Variants in KRTAP16-1 observed in about 807,000 individuals in gnomAD.
KRTAP16-1 encodes the protein keratin-associated protein 16-1.
For missense variants in KRTAP16-1, 675 were observed against 657.7 expected, an observed-to-expected ratio of 1.03 and a Z score of -0.29; for synonymous variants, 262 against 248.0, an observed-to-expected ratio of 1.06 and a Z score of -0.53.
Position 41,308,437 on chromosome 17 carries a change from C to T in KRTAP16-1, c.817G>A (p.Val273Ile). 1 of 1,550,642 alleles carries T rather than the reference C, an allele frequency of 6.4e-7. No individual in the cohort carries two copies. Among genetic ancestry groups the T allele is most frequent in the South Asian group, 1.2e-5 (1 of 84,056 alleles). ...ICQPATCVALVCEPVCLRPVC... is the reference protein window; with the variant it reads ...ICQPATCVALICEPVCLRPVC... ...GGGCGGAGGCAAACTGGCTCACAGA[C>T]CAGAGCCACACACGTAGCTGGCTGG... Residue 273 changes from valine (V) to isoleucine (I), a missense_variant, in exon 1 of 1, where the codon GTC (valine) becomes ATC (isoleucine). By Grantham distance (29) the Val-to-Ile change is conservative. Coordinates refer to ENST00000391352, the MANE Select transcript of KRTAP16-1 (RefSeq NM_001146182.2).
chr17:41,308,598 C>T lies in KRTAP16-1; in HGVS notation c.656G>A (p.Cys219Tyr). ...GGAAGGCTCACAGACCACAGGTTGG[C>T]AGGAACTAGGCAGGGTGCAGACAGC... ...CSAVCTLPSS[C>Y]QPVVCEPSCC... is the part of the protein sequence containing the mutation. The change falls in exon 1 of 1, where the codon TGC (cysteine) becomes TAC (tyrosine). Residue 219 changes from cysteine (C) to tyrosine (Y), a missense_variant. Transcript: ENST00000391352. The T allele has an allele frequency of 4.5e-6, 7 of 1,550,918 alleles. No individual in the cohort carries two copies. The highest frequency in any genetic ancestry group is 6.1e-6 in the Non-Finnish European group (7 of 1,147,094).
In KRTAP16-1 at chr17:41,308,995, T is replaced by A. The variant is rs1247932736; in HGVS notation, c.259A>T (p.Ser87Cys). Residue 87 changes from serine (S) to cysteine (C), a missense_variant, in exon 1 of 1, where the codon AGC becomes TGC. By Grantham distance (112) the Ser-to-Cys change is moderately radical. Transcript: ENST00000391352. ...VICEPSCSVS[S>C]GCQPVCCEAT... is the part of the protein sequence containing the mutation. Reference sequence around the variant, plus strand: ...TCACAGCACACGGGTTGGCAGCCGCTGCTCACGGAGCAAGAAGGCTCACAA... The same window carrying A: ...TCACAGCACACGGGTTGGCAGCCGCAGCTCACGGAGCAAGAAGGCTCACAA... The A allele has an allele frequency of 2.6e-6, 4 of 1,550,542 alleles. No homozygotes were observed. The Admixed American group carries it at 5.9e-5, about 23-fold the overall frequency.
chr17:41,307,974 C>A lies in KRTAP16-1; in HGVS notation c.1280G>T (p.Arg427Leu). Residue 427 changes from arginine (R) to leucine (L), a missense_variant, in exon 1 of 1, where the codon CGC (arginine) becomes CTC (leucine). By Grantham distance (102) the Arg-to-Leu change is moderately radical. Transcript: ENST00000391352. ...GCGGCGCAGGATGGAGTAGCATGGGCGATAGCAGGCAGGACGGTAGGAGAT... is the reference window on the plus strand; with the variant it reads ...GCGGCGCAGGATGGAGTAGCATGGGAGATAGCAGGCAGGACGGTAGGAGAT... ...TSISYRPACY[R>L]PCYSILRRPA... is the part of the protein sequence containing the mutation. 6.4e-7 allele frequency: 1 copy of A among 1,550,478 alleles called. No individual in the cohort carries two copies. The highest frequency in any genetic ancestry group is 8.7e-7 in the Non-Finnish European group (1 of 1,146,990).
rs1183758982 is a variant in KRTAP16-1 at position 41,308,633 on chromosome 17, G to C, written c.621C>G (p.Ser207Arg). Residue 207 changes from serine to arginine, a missense_variant, in exon 1 of 1, where the codon AGC (serine) becomes AGG (arginine). Transcript: ENST00000391352. ...SCCQPVVCEPSCCSAVCTLPS... is the reference protein window; with the variant it reads ...SCCQPVVCEPRCCSAVCTLPS... ...GCAGGGTGCAGACAGCTGAACAGCAGCTGGGCTCACAGACAACTGGCTGGC... is the reference window on the plus strand; with the variant it reads ...GCAGGGTGCAGACAGCTGAACAGCACCTGGGCTCACAGACAACTGGCTGGC... 1 of 1,550,968 alleles carries C rather than the reference G, an allele frequency of 6.4e-7. No individual in the cohort carries two copies. The highest frequency in any genetic ancestry group is 8.7e-7 in the Non-Finnish European group (1 of 1,147,100).
Position 41,309,198 on chromosome 17 carries a change from C to A in KRTAP16-1, c.56G>T (p.Cys19Phe), listed in dbSNP as rs1478784223. The A allele has an allele frequency of 6.5e-7, 1 of 1,547,510 alleles. No homozygotes were observed. Among genetic ancestry groups the A allele is most frequent in the Admixed American group, 2.0e-5 (1 of 50,628 alleles). Residue 19 changes from cysteine (C) to phenylalanine (F), a missense_variant, in exon 1 of 1, where the codon TGC (cysteine) becomes TTC (phenylalanine). Coordinates refer to ENST00000391352, the MANE Select transcript of KRTAP16-1 (RefSeq NM_001146182.2). ...KCFSVPATSL[C>F]STEVSCGGPI... ...GCCTCCACAGCTCACCTCAGTGGAG[C>A]AGAGAGAGGTGGCTGGCACGGAGAA... is the stretch of plus-strand genomic sequence containing the variant.
Position 41,308,892 on chromosome 17 carries a change from G to A in KRTAP16-1, c.362C>T (p.Pro121Leu). 6.5e-7 allele frequency: 1 copy of A among 1,548,686 alleles called. No individual in the cohort carries two copies. The highest frequency in any genetic ancestry group is 8.7e-7 in the Non-Finnish European group (1 of 1,145,302). Residue 121 changes from proline (P) to leucine (L), a missense_variant, in exon 1 of 1, where the codon CCT becomes CTT. Transcript: ENST00000391352. Reference protein sequence around the residue: ...PVCFEATICEPSCSVSNCCQP... With the variant: ...PVCFEATICELSCSVSNCCQP... The stretch of plus-strand genomic sequence containing the variant: ...GCAGCAGTTGCTCACTGAGCAAGAA[G>A]GCTCACAGATGGTGGCCTCGAAGCA...
rs778502423 is a variant in KRTAP16-1, at chr17:41,308,494, A to C, written c.760T>G (p.Cys254Gly). ...CQAVCCDPSP[C>G]EPSCSESSIC... The stretch of plus-strand genomic sequence containing the variant: ...CTAGACTCTGAGCAACTTGGCTCAC[A>C]AGGGCTGGGGTCACAGCAGACAGCC... Residue 254 changes from cysteine (C) to glycine (G), a missense_variant, in exon 1 of 1, where the codon TGT becomes GGT. Transcript: ENST00000391352. 1 of 1,550,428 alleles carries C rather than the reference A, an allele frequency of 6.4e-7. No homozygotes were observed. The highest frequency in any genetic ancestry group is 1.2e-5 in the South Asian group (1 of 84,046).
chr17:41,307,741 C>A lies in KRTAP16-1; in HGVS notation c.1513G>T (p.Ala505Ser), dbSNP rs745763704. The A allele has an allele frequency of 6.5e-7, 1 of 1,544,790 alleles. No individual in the cohort carries two copies. Among genetic ancestry groups the A allele is most frequent in the East Asian group, 2.4e-5 (1 of 40,866 alleles). Residue 505 changes from alanine to serine, a missense_variant, in exon 1 of 1, where the codon GCA becomes TCA. Coordinates refer to ENST00000391352, the MANE Select transcript of KRTAP16-1 (RefSeq NM_001146182.2). ...KPISPTTREA[A>S]AAQPAASKPA... ...TTGCTGGCAGCAGGCTGAGCTGCTG[C>A]GGCCTCACGGGTGGTTGGGCTGATG...
At chr17:41,309,300 GCCTCACTGTGACAGCTCCCTGAGGC>G (rs1310642865) in exon 1 of KRTAP16-1, 1 of 1,364,540 alleles carries the variant, frequency 7.3e-7, no homozygotes, top group Non-Finnish European at 9.9e-7. Flanking sequence ...AGAGGTTGCT[GCCTCACTGTGACAGCTCCCTGAGGC>G]CCTCACTTTT....
Position 41,307,737 on chromosome 17 carries a change from G to A in KRTAP16-1, c.1517C>T (p.Ala506Val). 1 of 1,544,768 alleles carries A rather than the reference G, an allele frequency of 6.5e-7. No homozygotes were observed. The highest frequency in any genetic ancestry group is 8.7e-7 in the Non-Finnish European group (1 of 1,143,616). Residue 506 changes from alanine (A) to valine (V), a missense_variant, in exon 1 of 1, where the codon GCA becomes GTA. By Grantham distance (64) the Ala-to-Val change is moderately conservative. Coordinates refer to ENST00000391352, the MANE Select transcript of KRTAP16-1 (RefSeq NM_001146182.2). ...PISPTTREAAAAQPAASKPAN... is the reference protein window; with the variant it reads ...PISPTTREAAVAQPAASKPAN... The stretch of plus-strand genomic sequence containing the variant: ...AGGCTTGCTGGCAGCAGGCTGAGCT[G>A]CTGCGGCCTCACGGGTGGTTGGGCT...
In KRTAP16-1 at chr17:41,309,277, G is replaced by A. The variant is rs1194320694; in HGVS notation, c.-24C>T. 1 of 1,473,438 alleles carries A rather than the reference G, an allele frequency of 6.8e-7. No homozygotes were observed. The highest frequency in any genetic ancestry group is 9.1e-7 in the Non-Finnish European group (1 of 1,096,862). 91.3% of individuals were successfully genotyped at this position (1,473,438 alleles called of 1,614,324 possible). A position where few individuals can be genotyped will look rare whatever the true frequency, so the allele number is the denominator to read the frequency against. ...ATGGTGGAGGTGGCCGTGCTTCCTT[G>A]TGCTGAGTGCTGAGAGGTTGCTGCC... On this transcript the variant is annotated 5_prime_UTR_variant, in exon 1 of 1. Coordinates refer to ENST00000391352, the MANE Select transcript of KRTAP16-1 (RefSeq NM_001146182.2).
Position 41,309,137 on chromosome 17 carries a change from T to C in KRTAP16-1, c.117A>G (p.Thr39=), listed in dbSNP as rs12451604. Residue 39 remains threonine (T), a synonymous_variant, in exon 1 of 1, where the codon ACA becomes ACG. Transcript: ENST00000391352. ...ICLPSSCQSQ[T]WQLVTCQDSC... is the part of the protein sequence containing the mutation. ...TGTCTTGACAAGTCACCAGCTGCCA[T>C]GTCTGGCTCTGGCAGGAACTGGGCA... The C allele has an allele frequency of 2.6e-6, 4 of 1,550,454 alleles. No homozygotes were observed. Among genetic ancestry groups the C allele is most frequent in the African/African-American group, 2.7e-5 (2 of 73,044 alleles).
In KRTAP16-1 at chr17:41,309,090, C is replaced by T. The variant is rs553991870; in HGVS notation, c.164G>A (p.Gly55Glu). Residue 55 changes from glycine to glutamate, a missense_variant, in exon 1 of 1, where the codon GGG (glycine) becomes GAG (glutamate). By Grantham distance (98) the Gly-to-Glu change is moderately conservative. Coordinates refer to ENST00000391352, the MANE Select transcript of KRTAP16-1 (RefSeq NM_001146182.2). ...CQDSCGSSSCGPQCRQPSCPV... is the reference protein window; with the variant it reads ...CQDSCGSSSCEPQCRQPSCPV... ...ACAGGAGGGCTGACGGCACTGTGGC[C>T]CACAGCTGGATGATCCACAGCTGTC... is the stretch of plus-strand genomic sequence containing the variant. 2.5e-5 allele frequency: 39 copies of T among 1,550,626 alleles called. No individual in the cohort carries two copies. The African/African-American group carries it at 4.8e-4, about 19-fold the overall frequency.
rs755135332 is a variant in KRTAP16-1, at chr17:41,307,744, C to T, written c.1510G>A (p.Ala504Thr). The T allele has an allele frequency of 6.5e-7, 1 of 1,546,416 alleles. No individual in the cohort carries two copies. Among genetic ancestry groups the T allele is most frequent in the Non-Finnish European group, 8.7e-7 (1 of 1,144,508 alleles). The change falls in exon 1 of 1, where the codon GCC becomes ACC. Residue 504 changes from alanine (A) to threonine (T), a missense_variant. Transcript: ENST00000391352. The stretch of plus-strand genomic sequence containing the variant: ...CTGGCAGCAGGCTGAGCTGCTGCGG[C>T]CTCACGGGTGGTTGGGCTGATGGGT... ...AKPISPTTREAAAAQPAASKP... is the reference protein window; with the variant it reads ...AKPISPTTRETAAAQPAASKP...
rs1264305177 is a variant in KRTAP16-1, at chr17:41,307,825, T to C, written c.1429A>G (p.Thr477Ala). 1 of 1,550,414 alleles carries C rather than the reference T, an allele frequency of 6.4e-7. No homozygotes were observed. The highest frequency in any genetic ancestry group is 2.4e-5 in the East Asian group (1 of 40,898). The change falls in exon 1 of 1, where the codon ACC (threonine) becomes GCC (alanine). Residue 477 changes from threonine to alanine, a missense_variant. Physicochemically the swap from Thr to Ala is moderately conservative, Grantham distance 58 (BLOSUM62 0). Transcript: ENST00000391352. ...TSSQLDCVDT[T>A]PCKVDVSEEA... The stretch of plus-strand genomic sequence containing the variant: ...TCTGAGACATCCACCTTGCAGGGGG[T>C]TGTGTCAACACAATCCAGTTGGCTG...
At position 41,308,962 on chromosome 17, in the gene KRTAP16-1, T is replaced by G. The variant is rs1360011121; in HGVS notation, c.292A>C (p.Thr98Pro). The change falls in exon 1 of 1, where the codon ACC (threonine) becomes CCC (proline). Residue 98 changes from threonine to proline, a missense_variant. Thr to Pro is a conservative substitution (Grantham distance 38). Coordinates refer to ENST00000391352, the MANE Select transcript of KRTAP16-1 (RefSeq NM_001146182.2). The stretch of plus-strand genomic sequence containing the variant: ...CTCACAGAGCAAGAAGGCTCACAGG[T>G]GGTGGCCTCACAGCACACGGGTTGG... ...GCQPVCCEAT[T>P]CEPSCSVSNC... 1.3e-6 allele frequency: 2 copies of G among 1,547,900 alleles called. No individual in the cohort carries two copies. The highest frequency in any genetic ancestry group is 1.7e-4 in the Middle Eastern group (1 of 5,982).
chr17:41,307,904 G>A lies in KRTAP16-1; in HGVS notation c.1350C>T (p.Arg450=), dbSNP rs1317211198. The change falls in exon 1 of 1, where the codon CGC becomes CGT. Residue 450 remains arginine, a synonymous_variant. Coordinates refer to ENST00000391352, the MANE Select transcript of KRTAP16-1 (RefSeq NM_001146182.2). The part of the protein sequence containing the change: ...TSYSCRPVYF[R]PSCTESDSCK... ...AAGAGTCAGACTCAGTGCAAGATGG[G>A]CGGAAGTAGACTGGGCGGCAAGAGT... 3 of 1,550,704 alleles carry A rather than the reference G, an allele frequency of 1.9e-6. No homozygotes were observed. The highest frequency in any genetic ancestry group is 2.7e-5 in the African/African-American group (2 of 73,174).
Position 41,308,144 on chromosome 17 carries a change from T to C in KRTAP16-1, c.1110A>G (p.Arg370=). The C allele has an allele frequency of 6.4e-7, 1 of 1,550,452 alleles. No homozygotes were observed. The highest frequency in any genetic ancestry group is 8.7e-7 in the Non-Finnish European group (1 of 1,146,958). ...TGTAGAAAGTCCTAGGACAAGTTGG[T>C]CGGCAGATGGCAGATGCAGAAGACC... The part of the protein sequence containing the change: ...SPGSSASAIC[R]PTCPRTFYIP... Residue 370 remains arginine, a synonymous_variant, in exon 1 of 1, where the codon CGA becomes CGG. Transcript: ENST00000391352.
Position 41,308,796 on chromosome 17 carries a change from C to G in KRTAP16-1, c.458G>C (p.Cys153Ser), listed in dbSNP as rs960823974. Residue 153 changes from cysteine to serine, a missense_variant, in exon 1 of 1, where the codon TGC becomes TCC. By Grantham distance (112) the Cys-to-Ser change is moderately radical. Coordinates refer to ENST00000391352, the MANE Select transcript of KRTAP16-1 (RefSeq NM_001146182.2). ...CSVSSCAQPV[C>S]CEPAICEPSC... Reference sequence around the variant, plus strand: ...AGGCTCACAAATAGCAGGCTCACAGCACACAGGTTGAGCACAGCTGCTCAC... The same window carrying G: ...AGGCTCACAAATAGCAGGCTCACAGGACACAGGTTGAGCACAGCTGCTCAC... The G allele has an allele frequency of 6.5e-7, 1 of 1,550,160 alleles. No homozygotes were observed. Among genetic ancestry groups the G allele is most frequent in the Non-Finnish European group, 8.7e-7 (1 of 1,146,728 alleles).
Sources: gnomAD v4.1 joint callset for allele counts on GRCh38, gnomAD v4.1.1 for gene constraint, MANE v1.5 for transcripts, NCBI Gene and HGNC (gene_info 2026-07-23, HGNC 2026-07-21) for gene names.